The following AMPH variants were observed in gnomAD, a reference collection of about 807,000 sequenced individuals.
The protein encoded by AMPH is amphiphysin, also known as amphiphysin (Stiff-Mann syndrome with breast cancer 128kD autoantigen).
In AMPH, 49 loss-of-function variants were observed where a neutral mutation model predicts 99.1. The observed-to-expected ratio is 0.49, with a 90% confidence interval of 0.39 to 0.63. The LOEUF (loss-of-function observed/expected upper bound fraction) is 0.63, where lower values mean the gene tolerates loss of function less well. AMPH is among the 20% of genes least tolerant of loss of function. AMPH has a pLI of 0.00. For missense variants in AMPH, 759 were observed against 863.4 expected (o/e 0.88, Z 1.52); for synonymous variants, 314 against 317.3 (o/e 0.99, Z 0.11).
In AMPH at chr7:38,591,744, GC is replaced by G. The variant is rs377047254; in HGVS notation, c.69+39538del. 5.3e-4 allele frequency among the ~76,000 whole-genome samples: 81 copies of G among 152,274 alleles called. No individual in the cohort carries two copies. In the South Asian group the frequency reaches 0.015, roughly 28 times the overall value. ...ACAAGCCTACAGCTGTCCTCAGCAT[GC>G]CATCTTTACCACCTCCCTAATTCTG... On this transcript the variant is annotated intron_variant, in intron 1 of 20. Coordinates refer to ENST00000356264, the MANE Select transcript of AMPH (RefSeq NM_001635.4).
At chr7:38,396,025 A>G (rs985554236) in intron 17 of AMPH, among the ~76,000 whole-genome samples, 18 of 152,244 alleles carry the variant, frequency 1.2e-4, no homozygotes, top group Non-Finnish European at 1.5e-5. Flanking sequence ...ATGTCCAAGT[A>G]TTTACTCATA....
At chr7:38,417,170 G>C (rs150733076) in intron 17 of AMPH, among the ~76,000 whole-genome samples, 1 of 152,080 alleles carries the variant, frequency 6.6e-6, no homozygotes. Context: ...AATTCTACTT[G>C]GTACATATCA....
chr7:38,546,367 C>A (rs1472927276), intron 1 of AMPH, among the ~76,000 whole-genome samples: 6 of 152,108 alleles, frequency 3.9e-5, no homozygotes, highest in Admixed American at 3.9e-4. Flanking sequence ...TGATTTTCCA[C>A]TTTACACAGC....
intron 3 of AMPH, among the ~76,000 whole-genome samples, chr7:38,501,998 T>C (rs1217036333): frequency 6.6e-6 from 1 of 152,172 alleles, no homozygotes; most frequent in Non-Finnish European, 1.5e-5. Context: ...AGGATAAGGC[T>C]TTTTTGCGTT....
chr7:38,446,202 T>C (rs778556928), intron 11 of AMPH, among the ~76,000 whole-genome samples: 12 of 152,226 alleles, frequency 7.9e-5, no homozygotes, highest in Admixed American at 1.3e-4. Flanking sequence ...AGAACTCTTA[T>C]GCGATGCTGA....
At chr7:38,602,695 T>TA (rs942932184) in intron 1 of AMPH, among the ~76,000 whole-genome samples, 3 of 152,160 alleles carry the variant, frequency 2.0e-5, no homozygotes, top group Non-Finnish European at 4.4e-5. Flanking sequence ...GGCAAGATAT[T>TA]AAAAAATTCC....
intron 12 of AMPH, among the ~76,000 whole-genome samples, chr7:38,435,997 T>G (rs1385088959): frequency 5.3e-5 from 8 of 152,088 alleles, no homozygotes; most frequent in African/African-American, 1.4e-4. Flanking sequence ...CAGTTCTGAG[T>G]GCAACGTGGG....
At chr7:38,451,085 G>T (rs1482715344) in intron 11 of AMPH, among the ~76,000 whole-genome samples, 1 of 150,422 alleles carries the variant, frequency 6.6e-6, no homozygotes, top group African/African-American at 2.5e-5. Flanking sequence ...TAGAGACAGG[G>T]TCTCACTGTG....
At chr7:38,569,142 T>C (rs978868679) in intron 1 of AMPH, among the ~76,000 whole-genome samples, 4 of 152,098 alleles carry the variant, frequency 2.6e-5, no homozygotes, top group Admixed American at 2.6e-4. Context: ...CTATTTTTGC[T>C]GATAAATATA....
rs115375007 is a variant in AMPH, at chr7:38,582,187, G to C, written c.70-47176C>G. Among the ~76,000 whole-genome samples, 830 of 152,288 alleles carry C rather than the reference G, an allele frequency of 5.5e-3. 8 individuals are homozygous for C. Among genetic ancestry groups the C allele is most frequent in the African/African-American group, 0.019 (783 of 41,574 alleles). The stretch of plus-strand genomic sequence containing the variant: ...AAAAGGAACCAGCTAAAAAGGAATT[G>C]AGTCTAGTACCCTGGAAGCCAAATG... On this transcript the variant is annotated intron_variant, in intron 1 of 20. Transcript: ENST00000356264.
At chr7:38,506,010 A>T (rs1453448397) in intron 2 of AMPH, among the ~76,000 whole-genome samples, 1 of 152,142 alleles carries the variant, frequency 6.6e-6, no homozygotes, top group Non-Finnish European at 1.5e-5. Flanking sequence ...TGGAAGTAAC[A>T]TGTGCTACTT....
intron 1 of AMPH, among the ~76,000 whole-genome samples, chr7:38,596,263 C>T (rs1793056618): frequency 6.6e-6 from 1 of 152,092 alleles, no homozygotes; most frequent in African/African-American, 2.4e-5. Flanking sequence ...AGGAATAAGT[C>T]TATGGAGGGG....
chr7:38,452,651 G>A (rs1184659338), intron 11 of AMPH, among the ~76,000 whole-genome samples: 1 of 152,134 alleles, frequency 6.6e-6, no homozygotes, highest in African/African-American at 2.4e-5. Flanking sequence ...GACTCAGCTG[G>A]GTATTTCTCT....
chr7:38,437,679 C>G (rs1786329964), intron 11 of AMPH, among the ~76,000 whole-genome samples: 1 of 149,548 alleles, frequency 6.7e-6, no homozygotes, highest in African/African-American at 2.5e-5. Context: ...TGGTGCATGA[C>G]CGTAGTCCCA....
At chr7:38,534,664 G>A (rs1790532771) in intron 2 of AMPH, among the ~76,000 whole-genome samples, 3 of 152,122 alleles carry the variant, frequency 2.0e-5, no homozygotes, top group Non-Finnish European at 2.9e-5. Flanking sequence ...CAATCTGAAT[G>A]AGACCCTGTT....
At chr7:38,611,081 A>T (rs1793665808) in intron 1 of AMPH, among the ~76,000 whole-genome samples, 1 of 152,250 alleles carries the variant, frequency 6.6e-6, no homozygotes, top group African/African-American at 2.4e-5. Flanking sequence ...GTCCATCAGT[A>T]GATAAATGGA....
At chr7:38,392,428 C>T (rs1305733143) in intron 18 of AMPH, among the ~76,000 whole-genome samples, 5 of 127,408 alleles carry the variant, frequency 3.9e-5, no homozygotes, top group Non-Finnish European at 7.9e-5. Context: ...GCTCTGTCGC[C>T]CAGGCTGGAG....
intron 5 of AMPH, among the ~76,000 whole-genome samples, chr7:38,483,347 G>A (rs1788363159): frequency 6.6e-6 from 1 of 152,096 alleles, no homozygotes; most frequent in Admixed American, 6.6e-5. Context: ...ACACTTCTAA[G>A]TAGTATGGCC....
At chr7:38,488,806 T>C (rs1788611868) in intron 5 of AMPH, among the ~76,000 whole-genome samples, 1 of 152,082 alleles carries the variant, frequency 6.6e-6, no homozygotes, top group South Asian at 2.1e-4. Flanking sequence ...AAAGGATTTA[T>C]ACACTGAAAA....
Sources: gnomAD v4.1 joint callset for allele counts (sites outside exome capture counted in the v4.1 genomes callset) on GRCh38, gnomAD v4.1.1 for gene constraint, MANE v1.5 for transcripts, NCBI Gene and HGNC (gene_info 2026-07-23, HGNC 2026-07-21) for gene names.